The following GATA3 variants were observed in gnomAD, a reference collection of about 807,000 sequenced individuals.
GATA3 encodes the protein GATA binding protein 3.
A neutral mutation model predicts 36.0 loss-of-function variants in GATA3; 6 were observed. That is an observed-to-expected ratio of 0.17 (90% CI 0.09 to 0.33). The LOEUF is 0.33. GATA3 is among the 10% of genes least tolerant of loss of function. GATA3 has a pLI of 1.00. For missense variants in GATA3, 514 were observed against 610.1 expected (o/e 0.84, Z 1.66); for synonymous variants, 326 against 273.0 (o/e 1.19, Z -1.92).
At chr10:8,046,937 G>A (rs944931276) in intron 1 of GATA3, among the ~76,000 whole-genome samples, 2 of 152,102 alleles carry the variant, frequency 1.3e-5, no homozygotes, top group African/African-American at 2.4e-5. Context: ...TAGAAAATGC[G>A]GAGCGGCTGC....
At chr10:8,058,188 G>T in intron 2 of GATA3, 117 bp from the exon 3 acceptor site, 1 of 1,158,104 alleles carries the variant, frequency 8.6e-7, no homozygotes. Context: ...CCTGAGCCCG[G>T]GCTTTTGCTG....
chr10:8,062,376 TTA>T (rs1832764146), intron 3 of GATA3, among the ~76,000 whole-genome samples: 3 of 132,430 alleles, frequency 2.3e-5, no homozygotes, highest in Admixed American at 7.4e-5. Context: ...TTTTTTTTTT[TTA>T]AAAAACAAAG....
upstream of GATA3, chr10:8,051,651 G>T (rs1832495565): frequency 6.6e-6 from 1 of 152,664 alleles, no homozygotes; most frequent in Admixed American, 6.5e-5. Context: ...CAGGTCTGCG[G>T]GAAGGCGCTC....
chr10:8,058,284 C>T, intron 2 of GATA3, 21 bp from the exon 3 acceptor site: 5 of 1,613,292 alleles, frequency 3.1e-6, no homozygotes, highest in Non-Finnish European at 3.4e-6. Flanking sequence ...TCTCTCCTGC[C>T]CTTTCCCCGT....
intron 1 of GATA3, among the ~76,000 whole-genome samples, chr10:8,046,171 C>T (rs928179770): frequency 1.4e-4 from 21 of 152,218 alleles, no homozygotes; most frequent in Admixed American, 1.2e-3. Context: ...AAGATTTGGA[C>T]TTAACTCCCG....
intron 5 of GATA3, 67 bp from the exon 6 acceptor site, chr10:8,073,672 G>A (rs1347438295): frequency 1.1e-5 from 17 of 1,505,898 alleles, no homozygotes; most frequent in Middle Eastern, 1.7e-4. Context: ...CTTGGTGTGC[G>A]AGAGCCTGTG....
rs1248096873 is a variant in GATA3 at position 8,074,277 on chromosome 10, T to TG, written c.*255dup. 4.9e-6 allele frequency: 2 copies of TG among 408,776 alleles called. No individual in the cohort carries two copies. Among genetic ancestry groups the TG allele is most frequent in the Non-Finnish European group, 4.1e-6 (1 of 243,100 alleles). 25.3% of individuals were successfully genotyped at this position (408,776 alleles called of 1,614,324 possible). On this transcript the variant is annotated 3_prime_UTR_variant, in exon 6 of 6. Coordinates refer to ENST00000379328, the MANE Select transcript of GATA3 (RefSeq NM_001002295.2). ...CTATTTAACAGGGTCTCTAGTGCTG[T>TG]GAAAAAAAAAATGCTGAACATTGCA...
chr10:8,048,197 A>G (rs1183877680), intron 1 of GATA3, among the ~76,000 whole-genome samples: 1 of 152,134 alleles, frequency 6.6e-6, no homozygotes, highest in Non-Finnish European at 1.5e-5. Context: ...GGCTGAGGCC[A>G]GCGCTGGGGG....
At chr10:8,058,963 A>G (rs1832702584) in intron 3 of GATA3, 122 bp downstream of exon 3, 1 of 824,444 alleles carries the variant, frequency 1.2e-6, no homozygotes, top group Non-Finnish European at 1.9e-6. Context: ...CTGAGATGCC[A>G]TTCTTCCCAT....
rs752065457 is a variant in GATA3, at chr10:8,064,157, A to C, written c.924+19A>C. 4 of 1,613,828 alleles carry C rather than the reference A, an allele frequency of 2.5e-6. No individual in the cohort carries two copies. In the African/African-American group the frequency reaches 5.3e-5, roughly 22 times the overall value. On this transcript the variant is annotated intron_variant, in intron 4 of 5. Coordinates refer to ENST00000379328, the MANE Select transcript of GATA3 (RefSeq NM_001002295.2). ...AAGGCTGGTAAGTTCTCGGGAAGGG[A>C]TGGATTCCATGCTGACCATTCTGGG...
chr10:8,058,669 T>A lies in GATA3; in HGVS notation c.606T>A (p.Arg202=). The A allele has an allele frequency of 6.2e-7, 1 of 1,613,222 alleles. No individual in the cohort carries two copies. The highest frequency in any genetic ancestry group is 8.5e-7 in the Non-Finnish European group (1 of 1,179,950). The change falls in exon 3 of 6, where the codon CGT becomes CGA. Residue 202 remains arginine (R), a synonymous_variant. Transcript: ENST00000379328. ...DSMKLESSHS[R]GSMTALGGAS... ...TGAAGCTGGAGTCGTCCCACTCCCG[T>A]GGCAGCATGACCGCCCTGGGTGGAG...
chr10:8,073,874 G>A lies in GATA3; in HGVS notation c.1186G>A (p.Ala396Thr), dbSNP rs200935603. The A allele has an allele frequency of 2.4e-4, 380 of 1,614,024 alleles. 1 individual carries two copies. The East Asian group carries it at 8.0e-3, about 34-fold the overall frequency. Residue 396 changes from alanine (A) to threonine (T), a missense_variant, in exon 6 of 6, where the codon GCC becomes ACC. Ala to Thr is a moderately conservative substitution (Grantham distance 58, BLOSUM62 0). Around this residue, in one of 3 missense-constraint regions of GATA3, gnomAD observed 89 missense variants for 104.2 expected, o/e 0.85. Coordinates refer to ENST00000379328, the MANE Select transcript of GATA3 (RefSeq NM_001002295.2). ...FPKNSSFNPA[A>T]LSRHMSSLSH... is the part of the protein sequence containing the mutation. ...CAAGAACAGCTCGTTTAACCCGGCC[G>A]CCCTCTCCAGACACATGTCCTCCCT...
chr10:8,047,566 G>A (rs1832407398), intron 1 of GATA3, among the ~76,000 whole-genome samples: 1 of 152,210 alleles, frequency 6.6e-6, no homozygotes, highest in Non-Finnish European at 1.5e-5. Flanking sequence ...GCAAACTGAG[G>A]AATCCCCCTT....
At chr10:8,059,078 G>C (rs1832705210) in intron 3 of GATA3, among the ~76,000 whole-genome samples, 1 of 152,168 alleles carries the variant, frequency 6.6e-6, no homozygotes, top group Admixed American at 6.5e-5. Context: ...AATGAGCTGG[G>C]ATAGGAAAAA....
At chr10:8,048,580 C>T (rs569440847) in intron 1 of GATA3, among the ~76,000 whole-genome samples, 1 of 152,298 alleles carries the variant, frequency 6.6e-6, no homozygotes, top group African/African-American at 2.4e-5. Flanking sequence ...GGGCTGCCTC[C>T]ACCCCTTCTT....
chr10:8,056,010 G>T lies in GATA3; in HGVS notation c.241+114G>T, dbSNP rs924191418. 3.2e-4 allele frequency: 448 copies of T among 1,383,832 alleles called. 1 individual carries two copies. The highest frequency in any genetic ancestry group is 1.7e-3 in the Middle Eastern group (7 of 4,198). 85.7% of individuals were successfully genotyped at this position (1,383,832 alleles called of 1,614,324 possible). A position where few individuals can be genotyped will look rare whatever the true frequency, so the allele number is the denominator to read the frequency against. On this transcript the variant is annotated intron_variant, in intron 2 of 5. Coordinates refer to ENST00000379328, the MANE Select transcript of GATA3 (RefSeq NM_001002295.2). ...GGTCAAGCGAAAGCCCCCATCTGCCGTTCCTGGTTCATTTACAAAAAAATT... is the reference window on the plus strand; with the variant it reads ...GGTCAAGCGAAAGCCCCCATCTGCCTTTCCTGGTTCATTTACAAAAAAATT...
Position 8,075,022 on chromosome 10 carries a change from C to T in GATA3, c.*999C>T. ...TTCCTGCAGCCTGTGCTGAGGGTAG[C>T]AGTGTATGAGCTACCAGCGTGCATG... On this transcript the variant is annotated 3_prime_UTR_variant, in exon 6 of 6. Transcript: ENST00000379328. 1 of 233,292 alleles carries T rather than the reference C, an allele frequency of 4.3e-6. No homozygotes were observed. The highest frequency in any genetic ancestry group is 8.5e-6 in the Non-Finnish European group (1 of 117,990). 14.5% of individuals were successfully genotyped at this position (233,292 alleles called of 1,614,324 possible). A position where few individuals can be genotyped will look rare whatever the true frequency, so the allele number is the denominator to read the frequency against.
intron 4 of GATA3, among the ~76,000 whole-genome samples, chr10:8,066,454 T>C (rs200793529): frequency 7.8e-6 from 1 of 128,186 alleles, no homozygotes; most frequent in African/African-American, 2.9e-5. Flanking sequence ...TTCTTTCTTT[T>C]TTTTTTTTAG....
chr10:8,062,037 AGGCC>A (rs1295865485), intron 3 of GATA3, among the ~76,000 whole-genome samples: 16 of 152,166 alleles, frequency 1.1e-4, no homozygotes, highest in Non-Finnish European at 2.1e-4. Flanking sequence ...ACAAAAAGGC[AGGCC>A]TGCGGCCTGG....
Sources: allele counts gnomAD v4.1 joint callset (sites outside exome capture counted in the v4.1 genomes callset), GRCh38; gene constraint gnomAD v4.1.1; regional missense constraint gnomAD v4.1.1; transcripts MANE v1.5; gene names NCBI Gene and HGNC (gene_info 2026-07-23, HGNC 2026-07-21).